The following TXNRD1 variants were observed in gnomAD, a reference collection of about 807,000 sequenced individuals.
The protein encoded by TXNRD1 is thioredoxin reductase 1, also known as thioredoxin reductase 1, cytoplasmic.
TXNRD1 carries 57 observed loss-of-function variants against 80.3 expected under a neutral mutation model. The ratio of observed to expected loss-of-function variants is 0.71; its 90% confidence interval spans 0.57 to 0.89. The LOEUF (loss-of-function observed/expected upper bound fraction) is 0.89, where lower values mean the gene tolerates loss of function less well. TXNRD1 is among the 40% of genes least tolerant of loss of function. The pLI, the probability that TXNRD1 is intolerant of heterozygous loss-of-function variation, is 0.00. For synonymous variants in TXNRD1, 291 were observed against 285.2 expected, an observed-to-expected ratio of 1.02 and a Z score of -0.20; for missense variants, 730 against 803.0, an observed-to-expected ratio of 0.91 and a Z score of 1.10.
chr12:104,264,992 G>A (rs1210579108), intron 3 of TXNRD1, among the ~76,000 whole-genome samples: 1 of 152,138 alleles, frequency 6.6e-6, no homozygotes, highest in Non-Finnish European at 1.5e-5. Context: ...AGTGGCTCCT[G>A]CCTGTAATTC....
At chr12:104,304,276 T>C in intron 4 of TXNRD1, 1 of 1,614,080 alleles carries the variant, frequency 6.2e-7, no homozygotes, top group Non-Finnish European at 8.5e-7. Flanking sequence ...TGAACTTCTT[T>C]AATCAGTTAG....
intron 4 of TXNRD1, among the ~76,000 whole-genome samples, chr12:104,305,443 G>C (rs940006095): frequency 6.6e-6 from 1 of 152,104 alleles, no homozygotes; most frequent in Non-Finnish European, 1.5e-5. Context: ...TAGGATTTAT[G>C]AGTGAGTATC....
chr12:104,307,592 G>A (rs780708523), intron 4 of TXNRD1, among the ~76,000 whole-genome samples: 6 of 152,198 alleles, frequency 3.9e-5, no homozygotes, highest in Non-Finnish European at 7.3e-5. Context: ...GGTAGAGCAA[G>A]TATTTTAACG....
At chr12:104,263,815 A>T (rs956325226) in intron 3 of TXNRD1, among the ~76,000 whole-genome samples, 7 of 152,234 alleles carry the variant, frequency 4.6e-5, no homozygotes, top group African/African-American at 1.7e-4. Context: ...TAATGCCTTC[A>T]GCAAGAGGGA....
intron 1 of TXNRD1, among the ~76,000 whole-genome samples, chr12:104,222,302 A>T (rs1170291684): frequency 6.6e-6 from 1 of 152,196 alleles, no homozygotes; most frequent in Non-Finnish European, 1.5e-5. Context: ...CAGTGCAGAG[A>T]AGTGTCTGAG....
At chr12:104,314,306 T>G (rs1268662542) in intron 6 of TXNRD1, among the ~76,000 whole-genome samples, 1 of 152,236 alleles carries the variant, frequency 6.6e-6, no homozygotes, top group Non-Finnish European at 1.5e-5. Flanking sequence ...TATAAGATTT[T>G]TTAAAGATTA....
At chr12:104,331,693 C>A in intron 14 of TXNRD1, 52 bp downstream of exon 14, 1 of 1,237,658 alleles carries the variant, frequency 8.1e-7, no homozygotes, top group Non-Finnish European at 1.2e-6. Flanking sequence ...TTTTTTTCTT[C>A]AGAATTTAAA....
chr12:104,326,158 T>C (rs1051607993), intron 11 of TXNRD1, among the ~76,000 whole-genome samples, 189 bp from the exon 12 acceptor site: 13 of 152,222 alleles, frequency 8.5e-5, no homozygotes, highest in African/African-American at 1.2e-4. Flanking sequence ...CTATATCATA[T>C]ATGTTCAAAG....
rs763148442 is a variant in TXNRD1 at position 104,270,016 on chromosome 12, T to C, written c.304+11937T>C. 1.7e-4 allele frequency among the ~76,000 whole-genome samples: 26 copies of C among 152,332 alleles called. No individual in the cohort carries two copies. The South Asian group carries it at 4.6e-3, about 27-fold the overall frequency. ...GTGCACCACCATGCCTGGCCTTCTC[T>C]TCTAATTCTATTTCTCTTGTTATTT... On this transcript the variant is annotated intron_variant, in intron 3 of 16. Coordinates refer to ENST00000525566, the MANE Select transcript of TXNRD1 (RefSeq NM_001093771.3).
intron 16 of TXNRD1, among the ~76,000 whole-genome samples, chr12:104,340,889 C>A (rs1258293244): frequency 2.0e-5 from 3 of 152,206 alleles, no homozygotes; most frequent in Non-Finnish European, 2.9e-5. Flanking sequence ...AAGATACTCA[C>A]AAGCTTCAAT....
intron 1 of TXNRD1, among the ~76,000 whole-genome samples, chr12:104,224,012 G>A (rs1367848349): frequency 2.0e-5 from 3 of 152,184 alleles, no homozygotes; most frequent in Admixed American, 2.0e-4. Flanking sequence ...ATAACCATTC[G>A]CACTGGATTA....
chr12:104,277,053 G>T (rs1001119325), intron 3 of TXNRD1, among the ~76,000 whole-genome samples: 1 of 152,006 alleles, frequency 6.6e-6, no homozygotes, highest in Non-Finnish European at 1.5e-5. Flanking sequence ...TTTGATACCA[G>T]CCTGGGCAAC....
chr12:104,332,235 C>G (rs1181033345), intron 14 of TXNRD1, among the ~76,000 whole-genome samples: 1 of 152,064 alleles, frequency 6.6e-6, no homozygotes, highest in African/African-American at 2.4e-5. Context: ...TCTGTATACA[C>G]AAATAATGCC....
intron 6 of TXNRD1, 146 bp downstream of exon 6, chr12:104,313,463 AG>A: frequency 1.6e-6 from 1 of 622,332 alleles, no homozygotes; most frequent in South Asian, 2.6e-5. Flanking sequence ...CTTTTATTTG[AG>A]CCAAGTTAAA....
intron 3 of TXNRD1, among the ~76,000 whole-genome samples, chr12:104,259,707 C>T (rs529937522): frequency 5.3e-5 from 8 of 151,694 alleles, no homozygotes; most frequent in South Asian, 2.1e-4. Flanking sequence ...AGGCTGGTCT[C>T]GAACTCCTGA....
intron 1 of TXNRD1, among the ~76,000 whole-genome samples, chr12:104,221,755 G>A (rs2032363254): frequency 6.6e-6 from 1 of 152,194 alleles, no homozygotes; most frequent in Admixed American, 6.5e-5. Flanking sequence ...AACTTCAGAT[G>A]ACAGTGTCTG....
intron 1 of TXNRD1, among the ~76,000 whole-genome samples, chr12:104,246,575 T>G (rs1593703038): frequency 6.8e-6 from 1 of 148,014 alleles, no homozygotes. Flanking sequence ...CAGGCTGGAG[T>G]GCAGTGGTGC....
intron 10 of TXNRD1, among the ~76,000 whole-genome samples, chr12:104,323,443 G>A (rs1283887138): frequency 3.5e-5 from 5 of 142,658 alleles, no homozygotes; most frequent in East Asian, 2.2e-4. Context: ...GCGGCTGGCC[G>A]GGCAGAGGGG....
At chr12:104,332,428 C>T (rs2035982093) in intron 14 of TXNRD1, among the ~76,000 whole-genome samples, 2 of 152,046 alleles carry the variant, frequency 1.3e-5, no homozygotes, top group African/African-American at 2.4e-5. Flanking sequence ...ATTAGTAACA[C>T]ATTATTAACC....
Sources: gnomAD v4.1 joint callset for allele counts (sites outside exome capture counted in the v4.1 genomes callset) on GRCh38, gnomAD v4.1.1 for gene constraint, MANE v1.5 for transcripts, NCBI Gene and HGNC (gene_info 2026-07-23, HGNC 2026-07-21) for gene names.